The following CNOT10 variants were observed in gnomAD, a reference collection of about 807,000 sequenced individuals.
CNOT10 encodes the protein CCR4-NOT transcription complex subunit 10.
Under a neutral mutation model 94.6 loss-of-function variants are expected in CNOT10, and 30 were observed. The ratio of observed to expected loss-of-function variants is 0.32; its 90% CI spans 0.24 to 0.43. The LOEUF is 0.43. CNOT10 is among the 20% of genes least tolerant of loss of function. The pLI, the probability that CNOT10 is intolerant of heterozygous loss-of-function variation, is 1.00. For missense variants in CNOT10, 759 were observed against 877.2 expected (o/e 0.87, Z 1.70); for synonymous variants, 289 against 301.6 (o/e 0.96, Z 0.43).
chr3:32,725,755 T>C (rs1245310046), intron 9 of CNOT10, among the ~76,000 whole-genome samples, 156 bp downstream of exon 9: 1 of 152,246 alleles, frequency 6.6e-6, no homozygotes, highest in Non-Finnish European at 1.5e-5. Context: ...TTAGTAGATA[T>C]TGCTACTTTG....
intron 17 of CNOT10, among the ~76,000 whole-genome samples, chr3:32,767,533 A>AAT (rs1256252247): frequency 3.3e-5 from 5 of 151,298 alleles, no homozygotes; most frequent in Non-Finnish European, 5.9e-5. Flanking sequence ...AAAAAAAAAA[A>AAT]AAAAGCCTAT....
intron 13 of CNOT10, among the ~76,000 whole-genome samples, chr3:32,756,878 G>A (rs1700244342): frequency 6.6e-6 from 1 of 151,898 alleles, no homozygotes; most frequent in African/African-American, 2.4e-5. Flanking sequence ...GGAGGCCGAG[G>A]CGGGCAGATC....
At chr3:32,721,947 C>T (rs1049525159) in intron 8 of CNOT10, among the ~76,000 whole-genome samples, 6 of 149,318 alleles carry the variant, frequency 4.0e-5, no homozygotes, top group East Asian at 4.0e-4. Flanking sequence ...CCACCGTGCC[C>T]GGCCTATTAC....
At chr3:32,734,100 T>C (rs1223779789) in intron 11 of CNOT10, among the ~76,000 whole-genome samples, 2 of 152,218 alleles carry the variant, frequency 1.3e-5, no homozygotes, top group Non-Finnish European at 2.9e-5. Flanking sequence ...AAAATTGTTC[T>C]CTACCATTTA....
intron 13 of CNOT10, among the ~76,000 whole-genome samples, chr3:32,748,250 G>A (rs536111353): frequency 8.5e-5 from 13 of 152,286 alleles, no homozygotes; most frequent in Admixed American, 3.3e-4. Context: ...TGATTTTTAC[G>A]TGTGTGAATG....
In CNOT10 at chr3:32,773,726, T is replaced by G; in HGVS notation, c.*115T>G. 1 of 1,127,774 alleles carries G rather than the reference T, an allele frequency of 8.9e-7. No homozygotes were observed. The highest frequency in any genetic ancestry group is 1.9e-5 in the South Asian group (1 of 53,826). The allele number at this position is 1,127,774 out of a possible 1,614,324, so 69.9% of individuals were successfully genotyped here. A position where few individuals can be genotyped will look rare whatever the true frequency, so the allele number is the denominator to read the frequency against. On this transcript the variant is annotated 3_prime_UTR_variant, in exon 19 of 19. Coordinates refer to ENST00000328834, the MANE Select transcript of CNOT10 (RefSeq NM_015442.3). ...GTGAAGGCTGTTAATTTTGAGTCAA[T>G]TCTACCCCTGACATTTGGCCAAAAG...
At chr3:32,686,790 G>A (rs1046971019) in intron 1 of CNOT10, among the ~76,000 whole-genome samples, 1 of 152,130 alleles carries the variant, frequency 6.6e-6, no homozygotes, top group African/African-American at 2.4e-5. Flanking sequence ...ATACCATTGC[G>A]CTTGCCCGAA....
At chr3:32,717,768 A>C (rs1698188557) in intron 7 of CNOT10, among the ~76,000 whole-genome samples, 1 of 152,132 alleles carries the variant, frequency 6.6e-6, no homozygotes, top group Non-Finnish European at 1.5e-5. Flanking sequence ...AGGGAGGCTA[A>C]AGTGGGAGGA....
intron 1 of CNOT10, among the ~76,000 whole-genome samples, chr3:32,686,520 G>A (rs906470599): frequency 6.6e-6 from 1 of 152,154 alleles, no homozygotes; most frequent in African/African-American, 2.4e-5. Context: ...ACAGAACAAA[G>A]GCCTTGAGAG....
intron 13 of CNOT10, among the ~76,000 whole-genome samples, chr3:32,749,029 C>T (rs1158377003): frequency 2.6e-5 from 4 of 152,022 alleles, no homozygotes; most frequent in South Asian, 2.1e-4. Flanking sequence ...ACCATCTTGG[C>T]CAGGCTCGTC....
intron 1 of CNOT10, among the ~76,000 whole-genome samples, chr3:32,692,566 GGT>G (rs1390137828): frequency 1.3e-5 from 2 of 152,134 alleles, no homozygotes; most frequent in Non-Finnish European, 2.9e-5. Context: ...ATCAATTTGA[GGT>G]GCTGACAGGA....
intron 5 of CNOT10, among the ~76,000 whole-genome samples, chr3:32,714,646 T>C (rs1276381290): frequency 2.0e-5 from 3 of 152,114 alleles, no homozygotes; most frequent in African/African-American, 7.2e-5. Context: ...GAGGCGGAGA[T>C]TGCAGTGAGC....
chr3:32,695,702 CATT>C (rs1429622424), intron 1 of CNOT10: 39 of 1,535,910 alleles, frequency 2.5e-5, no homozygotes, highest in Non-Finnish European at 3.4e-5. Flanking sequence ...CAGCCATGTT[CATT>C]AGGCCAGAGT....
At chr3:32,745,469 A>AG (rs371371844) in intron 13 of CNOT10, among the ~76,000 whole-genome samples, 1 of 152,110 alleles carries the variant, frequency 6.6e-6, no homozygotes, top group Non-Finnish European at 1.5e-5. Context: ...TCAATTAAGG[A>AG]TTGAATAAAC....
chr3:32,690,758 A>G (rs113843244), intron 1 of CNOT10, among the ~76,000 whole-genome samples: 2,937 of 152,140 alleles, frequency 0.019, 42 homozygotes, highest in East Asian at 0.047. Context: ...CATGTTGGCC[A>G]GGCTGGTCTC....
intron 13 of CNOT10, among the ~76,000 whole-genome samples, chr3:32,750,222 C>G (rs1417641901): frequency 6.6e-6 from 1 of 151,994 alleles, no homozygotes; most frequent in African/African-American, 2.4e-5. Context: ...GGCCTGGGCA[C>G]AGTGACTCAT....
chr3:32,713,798 CTTCATCCATA>C (rs1697993957), intron 5 of CNOT10, among the ~76,000 whole-genome samples: 1 of 152,164 alleles, frequency 6.6e-6, no homozygotes, highest in Non-Finnish European at 1.5e-5. Context: ...TGCTTTCAAG[CTTCATCCATA>C]TTTTAGCATA....
At chr3:32,750,235 C>A (rs145094457) in intron 13 of CNOT10, among the ~76,000 whole-genome samples, 2 of 152,158 alleles carry the variant, frequency 1.3e-5, no homozygotes, top group East Asian at 3.9e-4. Flanking sequence ...TGACTCATGC[C>A]TGTAATCCCA....
intron 13 of CNOT10, among the ~76,000 whole-genome samples, chr3:32,743,725 C>A (rs1699576864): frequency 6.6e-6 from 1 of 152,130 alleles, no homozygotes; most frequent in African/African-American, 2.4e-5. Context: ...CTGAGAATGT[C>A]ATTAAAGAGA....
Sources: allele counts gnomAD v4.1 joint callset (sites outside exome capture counted in the v4.1 genomes callset), GRCh38; gene constraint gnomAD v4.1.1; transcripts MANE v1.5; gene names NCBI Gene and HGNC (gene_info 2026-07-23, HGNC 2026-07-21).